MAGI2: variants seen among roughly 807,000 people sequenced by gnomAD.
The protein encoded by MAGI2 is membrane-associated guanylate kinase, WW and PDZ domain-containing protein 2.
In MAGI2, 35 loss-of-function variants were observed where a neutral mutation model predicts 133.3. That is an observed-to-expected ratio of 0.26 (90% CI 0.20 to 0.35). The LOEUF (loss-of-function observed/expected upper bound fraction) is 0.35. Ranked by LOEUF, MAGI2 falls within the 10% of genes least tolerant of loss-of-function variation. MAGI2 has a pLI of 1.00. For missense variants in MAGI2, 1,636 were observed against 1,863.4 expected (o/e 0.88, Z 2.25); for synonymous variants, 729 against 710.6 (o/e 1.03, Z -0.41).
chr7:78,924,788 G>T (rs933088100), intron 2 of MAGI2, among the ~76,000 whole-genome samples: 2 of 151,734 alleles, frequency 1.3e-5, no homozygotes, highest in Admixed American at 1.3e-4. Flanking sequence ...CTCATTTGTT[G>T]AACAACAGTT....
chr7:78,576,927 T>A (rs1265427662), intron 3 of MAGI2, among the ~76,000 whole-genome samples: 1 of 152,138 alleles, frequency 6.6e-6, no homozygotes, highest in Non-Finnish European at 1.5e-5. Flanking sequence ...AGTTAAGCCC[T>A]GTCTCTACTA....
At chr7:78,274,494 A>C (rs912165227) in intron 9 of MAGI2, among the ~76,000 whole-genome samples, 1 of 152,120 alleles carries the variant, frequency 6.6e-6, no homozygotes, top group Non-Finnish European at 1.5e-5. Context: ...CTCTCTTCAG[A>C]GCTGTCAGGC....
At chr7:79,240,459 G>C (rs779607637) in intron 1 of MAGI2, among the ~76,000 whole-genome samples, 1 of 152,046 alleles carries the variant, frequency 6.6e-6, no homozygotes, top group Non-Finnish European at 1.5e-5. Context: ...AGGGGGAATA[G>C]GGGACAATGG....
At chr7:78,746,885 T>A (rs193301416) in intron 2 of MAGI2, among the ~76,000 whole-genome samples, 1 of 152,226 alleles carries the variant, frequency 6.6e-6, no homozygotes, top group Non-Finnish European at 1.5e-5. Flanking sequence ...TAATCTGGCA[T>A]GGAAATATCT....
At chr7:79,005,955 A>C (rs1037553778) in intron 2 of MAGI2, among the ~76,000 whole-genome samples, 1 of 152,120 alleles carries the variant, frequency 6.6e-6, no homozygotes, top group African/African-American at 2.4e-5. Flanking sequence ...TCATTTAGGA[A>C]GATTTGATAA....
intron 1 of MAGI2, among the ~76,000 whole-genome samples, chr7:79,403,059 C>A (rs1272765064): frequency 6.6e-6 from 1 of 152,122 alleles, no homozygotes; most frequent in African/African-American, 2.4e-5. Flanking sequence ...TAGAACAGTG[C>A]CTAACACACA....
chr7:78,826,432 A>G (rs1790658167), intron 2 of MAGI2, among the ~76,000 whole-genome samples: 1 of 151,954 alleles, frequency 6.6e-6, no homozygotes, highest in East Asian at 1.9e-4. Flanking sequence ...GTAGGATCCT[A>G]ATTTTTTGAC....
At chr7:78,245,906 G>A (rs921541163) in intron 10 of MAGI2, among the ~76,000 whole-genome samples, 2 of 152,280 alleles carry the variant, frequency 1.3e-5, no homozygotes, top group African/African-American at 4.8e-5. Flanking sequence ...ACTACTGCTA[G>A]GTTATGTCCT....
intron 1 of MAGI2, among the ~76,000 whole-genome samples, chr7:79,445,054 A>G (rs1476359393): frequency 6.6e-6 from 1 of 152,236 alleles, no homozygotes; most frequent in Non-Finnish European, 1.5e-5. Flanking sequence ...GAGAAAAACA[A>G]GCAATGGGGA....
At chr7:78,390,682 A>C (rs1795821232) in intron 6 of MAGI2, among the ~76,000 whole-genome samples, 1 of 152,208 alleles carries the variant, frequency 6.6e-6, no homozygotes, top group Admixed American at 6.5e-5. Flanking sequence ...AAGAAAAAGG[A>C]GTATTTAACT....
chr7:79,416,807 T>A (rs894220091), intron 1 of MAGI2, among the ~76,000 whole-genome samples: 2 of 146,398 alleles, frequency 1.4e-5, no homozygotes, highest in Non-Finnish European at 3.0e-5. Context: ...CAATCTCAGC[T>A]CACTGCAACC....
At chr7:79,123,261 C>T (rs1820073482) in intron 1 of MAGI2, among the ~76,000 whole-genome samples, 1 of 152,122 alleles carries the variant, frequency 6.6e-6, no homozygotes. Flanking sequence ...GGTTTTGAAA[C>T]TTTACCTCAA....
At chr7:78,454,171 C>A (rs958754330) in intron 6 of MAGI2, among the ~76,000 whole-genome samples, 1 of 152,088 alleles carries the variant, frequency 6.6e-6, no homozygotes, top group Non-Finnish European at 1.5e-5. Context: ...ATTACTCCAT[C>A]GCATGAGTAG....
At chr7:78,281,757 A>C (rs533058281) in intron 9 of MAGI2, among the ~76,000 whole-genome samples, 1 of 150,284 alleles carries the variant, frequency 6.7e-6, no homozygotes, top group Admixed American at 6.7e-5. Context: ...TTTCCAGGTG[A>C]TATTTAACCA....
intron 3 of MAGI2, chr7:78,615,275 C>G (rs1298448535): frequency 6.6e-6 from 1 of 152,178 alleles, no homozygotes; most frequent in African/African-American, 2.4e-5. Context: ...TGTATACACT[C>G]TTTGAAAATT....
At chr7:78,698,064 C>T (rs954421034) in intron 2 of MAGI2, among the ~76,000 whole-genome samples, 3 of 152,068 alleles carry the variant, frequency 2.0e-5, no homozygotes, top group African/African-American at 4.8e-5. Flanking sequence ...ACCAAAGTGC[C>T]TTAAGTTTAC....
chr7:78,655,701 G>T (rs999777651), intron 2 of MAGI2, among the ~76,000 whole-genome samples: 1 of 152,062 alleles, frequency 6.6e-6, no homozygotes, highest in African/African-American at 2.4e-5. Flanking sequence ...AAGAGGTTTG[G>T]CCGGGCGCAG....
chr7:78,891,555 G>A (rs1167698449), intron 2 of MAGI2, among the ~76,000 whole-genome samples: 1 of 152,158 alleles, frequency 6.6e-6, no homozygotes, highest in Non-Finnish European at 1.5e-5. Flanking sequence ...TTATCCCTGG[G>A]ATGCAAGACT....
chr7:78,765,622 C>T (rs761958443), intron 2 of MAGI2, among the ~76,000 whole-genome samples: 5 of 152,050 alleles, frequency 3.3e-5, no homozygotes, highest in East Asian at 3.9e-4. Context: ...GCTGAGATTA[C>T]GGGTGTGAGC....
Sources: allele counts gnomAD v4.1 joint callset (sites outside exome capture counted in the v4.1 genomes callset), GRCh38; gene constraint gnomAD v4.1.1; transcripts MANE v1.5; gene names NCBI Gene and HGNC (gene_info 2026-07-23, HGNC 2026-07-21).